Variants in CAB39 observed in about 807,000 individuals in gnomAD.
CAB39 encodes calcium binding protein 39.
CAB39 carries 8 observed loss-of-function variants against 40.0 expected under a neutral mutation model. The ratio of observed to expected loss-of-function variants is 0.20; its 90% CI spans 0.12 to 0.36. CAB39 has a LOEUF of 0.36. Among genes scored for constraint, CAB39 ranks in the 10% least tolerant of loss-of-function variants. CAB39 has a pLI of 1.00. For missense variants in CAB39, 270 were observed against 401.1 expected, an observed-to-expected ratio of 0.67 and a Z score of 2.79; for synonymous variants, 156 against 141.6, an observed-to-expected ratio of 1.10 and a Z score of -0.72.
chr2:230,761,634 T>C (rs1662436843), intron 2 of CAB39, among the ~76,000 whole-genome samples: 1 of 152,214 alleles, frequency 6.6e-6, no homozygotes, highest in Non-Finnish European at 1.5e-5. Context: ...TAAATGGTCC[T>C]GGCTTCGGTA....
At chr2:230,775,479 C>T (rs575716480) in intron 2 of CAB39, among the ~76,000 whole-genome samples, 2 of 152,162 alleles carry the variant, frequency 1.3e-5, no homozygotes, top group East Asian at 3.9e-4. Context: ...GGTGATCCTC[C>T]CACTGTGGCC....
intron 1 of CAB39, among the ~76,000 whole-genome samples, chr2:230,741,177 T>C (rs1175194621): frequency 6.6e-6 from 1 of 152,228 alleles, no homozygotes; most frequent in Non-Finnish European, 1.5e-5. Flanking sequence ...GGTTGCTGAC[T>C]ATGGTAATTG....
chr2:230,768,664 C>T (rs988640667), intron 2 of CAB39, among the ~76,000 whole-genome samples: 2 of 152,010 alleles, frequency 1.3e-5, no homozygotes, highest in African/African-American at 4.8e-5. Flanking sequence ...GCACCAAAAA[C>T]GGGTCAATTA....
chr2:230,746,062 T>C (rs188480615), intron 1 of CAB39, among the ~76,000 whole-genome samples: 2 of 152,318 alleles, frequency 1.3e-5, no homozygotes, highest in East Asian at 1.9e-4. Context: ...TCAGCAAACA[T>C]TTATTTGTGA....
intron 2 of CAB39, 66 bp from the exon 3 acceptor site, chr2:230,790,806 C>T (rs183933755): frequency 6.7e-6 from 9 of 1,348,746 alleles, no homozygotes; most frequent in East Asian, 4.6e-5. Flanking sequence ...CAAATTTTGA[C>T]GTGTTATATG....
intron 1 of CAB39, chr2:230,725,261 T>G: frequency 6.3e-7 from 1 of 1,584,344 alleles, no homozygotes; most frequent in South Asian, 1.1e-5. Context: ...CACCAGAAAC[T>G]GGCCAAGGAC....
chr2:230,722,211 T>G (rs1302850319), intron 1 of CAB39, among the ~76,000 whole-genome samples: 1 of 152,250 alleles, frequency 6.6e-6, no homozygotes, highest in African/African-American at 2.4e-5. Context: ...TTCTTAATGC[T>G]TTTTATGAAC....
At chr2:230,758,434 G>T (rs1695231783) in intron 1 of CAB39, among the ~76,000 whole-genome samples, 2 of 152,182 alleles carry the variant, frequency 1.3e-5, no homozygotes, top group South Asian at 4.1e-4. Flanking sequence ...AATATTTGGG[G>T]TTAGAGATTG....
intron 1 of CAB39, among the ~76,000 whole-genome samples, chr2:230,747,470 G>A (rs1320223499): frequency 6.6e-6 from 1 of 152,268 alleles, no homozygotes; most frequent in Non-Finnish European, 1.5e-5. Context: ...GAATTACAGT[G>A]GACAAAATGA....
At chr2:230,748,461 T>C (rs1000982544) in intron 1 of CAB39, among the ~76,000 whole-genome samples, 4 of 152,286 alleles carry the variant, frequency 2.6e-5, no homozygotes, top group South Asian at 4.1e-4. Flanking sequence ...GCCTTTCACC[T>C]AATGGTTAAG....
intron 1 of CAB39, among the ~76,000 whole-genome samples, chr2:230,733,363 TC>T (rs1297647580): frequency 5.9e-5 from 9 of 152,010 alleles, no homozygotes; most frequent in African/African-American, 1.9e-4. Flanking sequence ...TCCTCGGATG[TC>T]CCCCCACATA....
intron 1 of CAB39, among the ~76,000 whole-genome samples, chr2:230,743,393 T>C (rs1305742333): frequency 2.0e-5 from 3 of 152,216 alleles, no homozygotes; most frequent in Non-Finnish European, 4.4e-5. Flanking sequence ...AAAAATGCTG[T>C]GATGACCCCC....
At chr2:230,732,416 G>A (rs1319706445) in intron 1 of CAB39, among the ~76,000 whole-genome samples, 1 of 152,082 alleles carries the variant, frequency 6.6e-6, no homozygotes, top group Non-Finnish European at 1.5e-5. Flanking sequence ...TCAGTTTCAG[G>A]TTTATCAGTC....
chr2:230,725,205 A>C (rs1313576601), intron 1 of CAB39: 1 of 1,603,204 alleles, frequency 6.2e-7, no homozygotes, highest in Non-Finnish European at 8.5e-7. Flanking sequence ...CTGGCGCCAC[A>C]AGTGTCTTTC....
rs144835415 is a variant in CAB39 at position 230,798,800 on chromosome 2, C to T, written c.470C>T (p.Ala157Val). ...LRECIRHEPL[A>V]KIILWSEQFY... ...GAATGCATCAGACATGAACCACTTG[C>T]AAAAATCATTTTGTGGTCGGAACAG... Residue 157 changes from alanine (A) to valine (V), a missense_variant, in exon 5 of 9, where the codon GCA becomes GTA. Coordinates refer to ENST00000258418, the MANE Select transcript of CAB39 (RefSeq NM_016289.4). The T allele has an allele frequency of 4.3e-6, 7 of 1,610,764 alleles. No individual in the cohort carries two copies. Among genetic ancestry groups the T allele is most frequent in the Non-Finnish European group, 5.9e-6 (7 of 1,178,448 alleles).
At chr2:230,748,023 A>T (rs1456387735) in intron 1 of CAB39, among the ~76,000 whole-genome samples, 1 of 151,822 alleles carries the variant, frequency 6.6e-6, no homozygotes, top group East Asian at 1.9e-4. Flanking sequence ...TCTTTTTTTC[A>T]GTTGTTTATT....
At chr2:230,809,501 C>T (rs1696267815) in intron 5 of CAB39, among the ~76,000 whole-genome samples, 1 of 152,166 alleles carries the variant, frequency 6.6e-6, no homozygotes, top group African/African-American at 2.4e-5. Flanking sequence ...CCAGTGAGAC[C>T]AAGGCTAGTC....
chr2:230,808,697 GTCCT>G (rs1422141311), intron 5 of CAB39, among the ~76,000 whole-genome samples: 7 of 152,226 alleles, frequency 4.6e-5, no homozygotes, highest in African/African-American at 1.7e-4. Context: ...AATTGGGTAG[GTCCT>G]TCCTGGCCAT....
At chr2:230,740,672 G>T (rs139565309) in intron 1 of CAB39, among the ~76,000 whole-genome samples, 1 of 152,156 alleles carries the variant, frequency 6.6e-6, no homozygotes, top group East Asian at 1.9e-4. Context: ...TGCACAGTTC[G>T]CAATAGGGTT....
Sources: gnomAD v4.1 joint callset for allele counts (sites outside exome capture counted in the v4.1 genomes callset) on GRCh38, gnomAD v4.1.1 for gene constraint, MANE v1.5 for transcripts, NCBI Gene and HGNC (gene_info 2026-07-23, HGNC 2026-07-21) for gene names.